Variants in ASMTL observed in about 807,000 individuals in gnomAD.
ASMTL encodes the protein probable bifunctional dTTP/UTP pyrophosphatase/methyltransferase protein.
In ASMTL, 57 loss-of-function variants were observed where a neutral mutation model predicts 60.3. That is an observed-to-expected ratio of 0.95 (90% CI 0.76 to 1.18). The LOEUF is 1.18. ASMTL is among the 50% of genes most tolerant of loss of function. The pLI, the probability that ASMTL is intolerant of heterozygous loss-of-function variation, is 0.00. For synonymous variants in ASMTL, 419 were observed against 373.0 expected, an observed-to-expected ratio of 1.12 and a Z score of -1.42; for missense variants, 981 against 852.6, an observed-to-expected ratio of 1.15 and a Z score of -1.88.
chrX:1,451,607 G>GT, intron 1 of ASMTL, among the ~76,000 whole-genome samples: 1 of 148,798 alleles, frequency 6.7e-6, no homozygotes, highest in South Asian at 2.1e-4. Flanking sequence ...CCATGCCTAG[G>GT]GGTTTCGGGT....
intron 12 of ASMTL, among the ~76,000 whole-genome samples, chrX:1,404,445 G>C (rs1460139981): frequency 1.3e-5 from 2 of 151,546 alleles, no homozygotes; most frequent in Non-Finnish European, 2.9e-5. Context: ...TGGATGGATG[G>C]GTGAATAGAT....
intron 11 of ASMTL, among the ~76,000 whole-genome samples, chrX:1,415,471 C>CATT (rs2090206950): frequency 6.8e-6 from 1 of 147,032 alleles, no homozygotes; most frequent in Non-Finnish European, 1.5e-5. Flanking sequence ...TTATCATTGT[C>CATT]TTTTTTTTTT....
Position 1,435,759 on chromosome X carries a change from CTG to C in ASMTL, c.274-3_274-2del. On this transcript the variant is annotated splice_acceptor_variant and splice_polypyrimidine_tract_variant and intron_variant, in intron 3 of 12. Transcript: ENST00000381317. LOFTEE classifies it high-confidence loss of function. ...TCTCCAGAATCAGCCCCCCGACTGT[CTG>C]TGAGAGGAAGGGACAGAGGGAGTTG... 6.2e-7 allele frequency: 1 copy of C among 1,613,596 alleles called. No homozygotes were observed. Among genetic ancestry groups the C allele is most frequent in the Non-Finnish European group, 8.5e-7 (1 of 1,179,756 alleles).
intron 12 of ASMTL, among the ~76,000 whole-genome samples, chrX:1,412,172 C>A (rs1418834857): frequency 7.9e-5 from 12 of 152,100 alleles, no homozygotes; most frequent in Admixed American, 6.6e-5. Context: ...GCGGGCCTCT[C>A]ACCCAGACGC....
upstream of ASMTL, chrX:1,453,582 CGGTTGT>C (rs2091448378): frequency 6.7e-6 from 1 of 148,424 alleles, no homozygotes; most frequent in South Asian, 2.1e-4. Context: ...TCCGCAGCTG[CGGTTGT>C]GGGCAGTTGT....
upstream of ASMTL, chrX:1,452,946 G>T: frequency 1.1e-6 from 1 of 888,684 alleles, no homozygotes; most frequent in Non-Finnish European, 1.6e-6. Flanking sequence ...GCCTCCGCGA[G>T]GCCACGCCCC....
Position 1,428,049 on chromosome X carries a change from C to T in ASMTL, c.582G>A (p.Leu194=). The change falls in exon 7 of 13, where the codon CTG becomes CTA. Residue 194 remains leucine (L), a synonymous_variant. Coordinates refer to ENST00000381317, the MANE Select transcript of ASMTL (RefSeq NM_004192.4). ...GGTTCAGCGGGAATCCCACCACGTT[C>T]AGAAAGTCCCCGTGTACGGACTCCA... ...MLVESVHGDF[L]NVVGFPLNHF... The T allele has an allele frequency of 1.2e-6, 2 of 1,613,752 alleles. No homozygotes were observed. The highest frequency in any genetic ancestry group is 1.7e-6 in the Non-Finnish European group (2 of 1,179,852).
upstream of ASMTL, chrX:1,452,942 G>T: frequency 3.3e-6 from 3 of 903,000 alleles, no homozygotes; most frequent in South Asian, 1.8e-5. Context: ...TCCCGCCTCC[G>T]CGAGGCCACG....
intron 11 of ASMTL, among the ~76,000 whole-genome samples, 197 bp downstream of exon 11, chrX:1,417,770 AGGTATG>A (rs2090348676): frequency 1.8e-3 from 2 of 1,122 alleles, no homozygotes; most frequent in Admixed American, 0.027. Context: ...TCCATGTCAC[AGGTATG>A]CTCCAGGGCA....
At chrX:1,421,569 C>T in intron 9 of ASMTL, 89 bp downstream of exon 9, 1 of 1,397,770 alleles carries the variant, frequency 7.2e-7, no homozygotes, top group Non-Finnish European at 1.0e-6. Flanking sequence ...TGGAGACAGA[C>T]TGGTCAAGGT....
chrX:1,416,906 TACAC>T (rs2090302407), intron 11 of ASMTL, among the ~76,000 whole-genome samples: 1 of 140,652 alleles, frequency 7.1e-6, no homozygotes, highest in African/African-American at 2.7e-5. Context: ...CTCAGAGACA[TACAC>T]ACCACAGAGG....
intron 4 of ASMTL, 138 bp downstream of exon 4, chrX:1,435,556 A>T (rs1175071525): frequency 6.2e-6 from 5 of 809,850 alleles, no homozygotes; most frequent in Non-Finnish European, 1.1e-5. Flanking sequence ...CATAGCTCAG[A>T]CAGCACAGCT....
intron 1 of ASMTL, among the ~76,000 whole-genome samples, chrX:1,443,058 G>GAC (rs200250030): frequency 0.85 from 123,347 of 145,480 alleles, 54,681 homozygotes; most frequent in East Asian, 0.99. Flanking sequence ...CACCATCGTG[G>GAC]ACACACACCG....
chrX:1,416,947 C>T (rs1415727283), intron 11 of ASMTL, among the ~76,000 whole-genome samples: 2 of 150,520 alleles, frequency 1.3e-5, no homozygotes, highest in African/African-American at 2.4e-5. Flanking sequence ...GACTCAGACA[C>T]AGAGACATTC....
Position 1,442,233 on chromosome X carries a change from C to A in ASMTL, c.178G>T (p.Glu60Ter), listed in dbSNP as rs375839536. Residue 60 changes from glutamate (E) to a stop codon, truncating the protein, a stop_gained, in exon 2 of 13, where the codon GAG becomes TAG. Transcript: ENST00000381317. LOFTEE classifies it high-confidence loss of function. ...TCCAGGGCCTTCTGCTTGGCGGTCT[C>A]CATGGCGTACCCATACGGAGTAGCG... is the stretch of plus-strand genomic sequence containing the variant. ...SFATPYGYAM[E>*]TAKQKALEVA... The A allele has an allele frequency of 1.9e-6, 3 of 1,613,774 alleles. No homozygotes were observed. The highest frequency in any genetic ancestry group is 2.5e-6 in the Non-Finnish European group (3 of 1,179,878).
Position 1,442,196 on chromosome X carries a change from C to A in ASMTL, c.215G>T (p.Arg72Leu), listed in dbSNP as rs200185423. 8.7e-6 allele frequency: 14 copies of A among 1,613,566 alleles called. No individual in the cohort carries two copies. In the East Asian group the frequency reaches 3.1e-4, roughly 36 times the overall value. The change falls in exon 2 of 13, where the codon CGG becomes CTG. Residue 72 changes from arginine to leucine, a missense_variant. Physicochemically the swap from Arg to Leu is moderately radical, Grantham distance 102. Coordinates refer to ENST00000381317, the MANE Select transcript of ASMTL (RefSeq NM_004192.4). ...GCAGGGGCCCCTTGCCTGGTACAGC[C>A]GGTTGGCCACCTCCAGGGCCTTCTG... Reference protein sequence around the residue: ...AKQKALEVANRLYQKDLRAPD... With the variant: ...AKQKALEVANLLYQKDLRAPD...
In ASMTL at chrX:1,433,686, G is replaced by A. The variant is rs1249749175; in HGVS notation, c.401-1309C>T. 4.2e-3 allele frequency among the ~76,000 whole-genome samples: 607 copies of A among 145,510 alleles called. 2 individuals are homozygous for A. Among genetic ancestry groups the A allele is most frequent in the African/African-American group, 0.014 (557 of 39,740 alleles). On this transcript the variant is annotated intron_variant, in intron 5 of 12. Coordinates refer to ENST00000381317, the MANE Select transcript of ASMTL (RefSeq NM_004192.4). Reference sequence around the variant, plus strand: ...TAAAGCGAGACTCTGTCACAAAAAAGAAAAAAAAAAGAGACCCAGAAGGAC... The same window carrying A: ...TAAAGCGAGACTCTGTCACAAAAAAAAAAAAAAAAAGAGACCCAGAAGGAC...
intron 6 of ASMTL, chrX:1,431,969 C>G: frequency 4.4e-6 from 2 of 457,506 alleles, no homozygotes; most frequent in Non-Finnish European, 7.9e-6. Flanking sequence ...CCTCTGGGGT[C>G]TCCTCCTCCC....
chrX:1,433,665 G>A (rs1379905462), intron 5 of ASMTL, among the ~76,000 whole-genome samples: 27 of 151,810 alleles, frequency 1.8e-4, no homozygotes, highest in Non-Finnish European at 3.7e-4. Context: ...GGGCGATAAA[G>A]CGAGACTCTG....
Sources: gnomAD v4.1 joint callset for allele counts (sites outside exome capture counted in the v4.1 genomes callset) on GRCh38, gnomAD v4.1.1 for gene constraint, MANE v1.5 for transcripts, NCBI Gene and HGNC (gene_info 2026-07-23, HGNC 2026-07-21) for gene names.